BICD1: variants seen among roughly 807,000 people sequenced by gnomAD.
BICD1 encodes the protein BICD cargo adaptor 1, also known as protein bicaudal D homolog 1.
BICD1 carries 35 observed loss-of-function variants against 92.5 expected under a neutral mutation model. The observed-to-expected ratio is 0.38, with a 90% confidence interval of 0.29 to 0.50. BICD1 has a LOEUF of 0.50. Among genes scored for constraint, BICD1 ranks in the 20% least tolerant of loss-of-function variants. The probability of loss-of-function intolerance (pLI) is 0.93; values close to 1 mark genes in which losing one functional copy is unlikely to be tolerated. For synonymous variants in BICD1, 429 were observed against 465.1 expected (o/e 0.92, Z 1.00); for missense variants, 950 against 1,189.8 (o/e 0.80, Z 2.97).
intron 2 of BICD1, among the ~76,000 whole-genome samples, chr12:32,281,300 T>G (rs1215097552): frequency 6.6e-6 from 1 of 152,248 alleles, no homozygotes. Flanking sequence ...TAAGTCTGGA[T>G]TGCCCTGGGA....
At chr12:32,164,935 C>T (rs1235059970) in intron 1 of BICD1, among the ~76,000 whole-genome samples, 2 of 152,134 alleles carry the variant, frequency 1.3e-5, no homozygotes, top group African/African-American at 4.8e-5. Flanking sequence ...CCTGACAGCA[C>T]GGGTGAAGTG....
intron 8 of BICD1, among the ~76,000 whole-genome samples, chr12:32,363,262 G>C (rs1211121636): frequency 6.6e-6 from 1 of 152,120 alleles, no homozygotes; most frequent in Non-Finnish European, 1.5e-5. Flanking sequence ...GGAGGCATTA[G>C]TAATCTCTTG....
chr12:32,108,802 A>T (rs1941588654), intron 1 of BICD1: 1 of 555,230 alleles, frequency 1.8e-6, no homozygotes, highest in Non-Finnish European at 3.2e-6. Flanking sequence ...CCCAACTAGG[A>T]ATCTAATTTT....
chr12:32,222,361 T>C (rs988784045), intron 2 of BICD1, among the ~76,000 whole-genome samples: 25 of 152,344 alleles, frequency 1.6e-4, no homozygotes, highest in African/African-American at 5.8e-4. Context: ...TTACGTGCCT[T>C]AACTGCTGAA....
chr12:32,127,453 T>C (rs1031441567), intron 1 of BICD1, among the ~76,000 whole-genome samples: 1 of 152,174 alleles, frequency 6.6e-6, no homozygotes, highest in Non-Finnish European at 1.5e-5. Flanking sequence ...TAATTTCCAA[T>C]GTGTGTTTTG....
rs147021953 is a variant in BICD1, at chr12:32,228,629, G to C, written c.426+12170G>C. ...GTGGATTGGACCAGGATGATGGGTA[G>C]AAGTGGTGAAAAGTAGTCATATTCT... On this transcript the variant is annotated intron_variant, in intron 2 of 9. Transcript: ENST00000652176. Among the ~76,000 whole-genome samples, 583 of 152,310 alleles carry C rather than the reference G, an allele frequency of 3.8e-3. 2 individuals are homozygous for C. Among genetic ancestry groups the C allele is most frequent in the African/African-American group, 0.014 (564 of 41,558 alleles).
intron 2 of BICD1, among the ~76,000 whole-genome samples, chr12:32,279,764 A>G (rs1342717567): frequency 2.0e-5 from 3 of 152,356 alleles, no homozygotes; most frequent in African/African-American, 4.8e-5. Context: ...AATTCATTGT[A>G]GGAGAATTAA....
At chr12:32,357,757 T>A (rs1939173842) in intron 8 of BICD1, among the ~76,000 whole-genome samples, 1 of 152,152 alleles carries the variant, frequency 6.6e-6, no homozygotes. Flanking sequence ...CATGTATTAA[T>A]CCTCTCTTCT....
intron 2 of BICD1, among the ~76,000 whole-genome samples, chr12:32,223,471 C>T (rs936952409): frequency 4.0e-5 from 6 of 149,566 alleles, no homozygotes; most frequent in Non-Finnish European, 7.4e-5. Context: ...GAGCCAAGAT[C>T]GCGCCACTGC....
chr12:32,344,586 G>A (rs774125522), intron 8 of BICD1, among the ~76,000 whole-genome samples: 16 of 152,122 alleles, frequency 1.1e-4, no homozygotes, highest in Non-Finnish European at 2.1e-4. Context: ...AAAACTGTGA[G>A]GAATAGGAAT....
At chr12:32,281,447 G>C (rs770409260) in intron 2 of BICD1, among the ~76,000 whole-genome samples, 1 of 152,028 alleles carries the variant, frequency 6.6e-6, no homozygotes. Context: ...ATCCTCCTGC[G>C]TCCATCAGCT....
rs775825494 is a variant in BICD1, at chr12:32,338,910, C to G, written c.2695C>G (p.Pro899Ala). 3 of 1,608,740 alleles carry G rather than the reference C, an allele frequency of 1.9e-6. No homozygotes were observed. Among genetic ancestry groups the G allele is most frequent in the South Asian group, 2.2e-5 (2 of 89,884 alleles). Residue 899 changes from proline (P) to alanine (A), a missense_variant, in exon 8 of 10, where the codon CCT becomes GCT. This residue lies in a region of BICD1 where 179 missense variants were observed against 186.7 expected (regional missense o/e 0.96). Coordinates refer to ENST00000652176, the MANE Select transcript of BICD1 (RefSeq NM_001714.4). ...AGAATCATTTCTTCTGAAGGGCCCC[C>G]CTTCCATGAGTGAATTCATCCAAGG... is the stretch of plus-strand genomic sequence containing the variant. The part of the protein sequence containing the change: ...STESFLLKGP[P>A]SMSEFIQGHR...
chr12:32,225,621 G>GTTTTTTTTTTTTTTTTTT (rs58895470), intron 2 of BICD1, among the ~76,000 whole-genome samples: 16 of 92,784 alleles, frequency 1.7e-4, no homozygotes, highest in Admixed American at 4.2e-4. Flanking sequence ...CTTTTTTTCT[G>GTTTTTTTTTTTTTTTTTT]TTTTTTTTTT....
chr12:32,161,729 T>C (rs1257406913), intron 1 of BICD1, among the ~76,000 whole-genome samples: 1 of 152,224 alleles, frequency 6.6e-6, no homozygotes, highest in Non-Finnish European at 1.5e-5. Context: ...TAATTTCTGC[T>C]TCCTCAACTA....
chr12:32,166,821 C>G (rs561528213), intron 1 of BICD1, among the ~76,000 whole-genome samples: 1 of 152,178 alleles, frequency 6.6e-6, no homozygotes, highest in African/African-American at 2.4e-5. Context: ...CTCTAAGACT[C>G]AGTTACAAAA....
rs553014002 is a variant in BICD1, at chr12:32,364,669, G to A, written c.2765-3001G>A. 7.9e-5 allele frequency among the ~76,000 whole-genome samples: 12 copies of A among 152,292 alleles called. 1 individual carries two copies. Among genetic ancestry groups the A allele is most frequent in the African/African-American group, 2.9e-4 (12 of 41,560 alleles). On this transcript the variant is annotated intron_variant, in intron 8 of 9. Transcript: ENST00000652176. ...AATGAAAAATAATCATCATTAGCTT[G>A]GCTAGGAGCAGTGGCTCACACCTAC...
At chr12:32,137,270 G>A (rs957412437) in intron 1 of BICD1, among the ~76,000 whole-genome samples, 1 of 151,984 alleles carries the variant, frequency 6.6e-6, no homozygotes, top group Admixed American at 6.6e-5. Context: ...TGTATTTTTA[G>A]TAGAGACAGG....
intron 2 of BICD1, among the ~76,000 whole-genome samples, chr12:32,237,694 C>T (rs1233769265): frequency 1.4e-4 from 22 of 152,182 alleles, no homozygotes. Flanking sequence ...GACAGCACGT[C>T]TGTTTATAGA....
chr12:32,296,526 A>G (rs1047037546), intron 3 of BICD1, among the ~76,000 whole-genome samples: 9 of 151,872 alleles, frequency 5.9e-5, no homozygotes, highest in African/African-American at 1.9e-4. Flanking sequence ...CAAAGTGCTG[A>G]GATTATAGGT....
Sources: allele counts gnomAD v4.1 joint callset (sites outside exome capture counted in the v4.1 genomes callset), GRCh38; gene constraint gnomAD v4.1.1; regional missense constraint gnomAD v4.1.1; transcripts MANE v1.5; gene names NCBI Gene and HGNC (gene_info 2026-07-23, HGNC 2026-07-21).